Variants in CHRM3 observed in about 807,000 individuals in gnomAD.
CHRM3 encodes muscarinic acetylcholine receptor M3.
In CHRM3, 11 loss-of-function variants were observed where a neutral mutation model predicts 41.8. The observed-to-expected ratio is 0.26, with a 90% CI of 0.17 to 0.44. CHRM3 has a LOEUF of 0.44. CHRM3 is among the 20% of genes least tolerant of loss of function. The pLI, the probability that CHRM3 is intolerant of heterozygous loss-of-function variation, is 1.00. For missense variants in CHRM3, 571 were observed against 745.4 expected (o/e 0.77, Z 2.72); for synonymous variants, 297 against 301.4 (o/e 0.99, Z 0.15).
chr1:239,468,509 C>T (rs1665891590), intron 1 of CHRM3, among the ~76,000 whole-genome samples: 1 of 152,030 alleles, frequency 6.6e-6, no homozygotes, highest in African/African-American at 2.4e-5. Context: ...GGTTGCCAAT[C>T]CTATATGAAT....
At chr1:239,408,226 T>G (rs569327038) in intron 1 of CHRM3, 1 of 152,200 alleles carries the variant, frequency 6.6e-6, no homozygotes, top group Non-Finnish European at 1.5e-5. Flanking sequence ...ACAGACGTAT[T>G]TGCAATCCCC....
intron 4 of CHRM3, among the ~76,000 whole-genome samples, chr1:239,653,687 G>A (rs576616404): frequency 2.0e-5 from 3 of 152,286 alleles, no homozygotes; most frequent in Admixed American, 2.0e-4. Context: ...TCCACTTAAA[G>A]AGCAAGATAA....
In CHRM3 at chr1:239,685,999, CA is replaced by C. The variant is rs1458631082; in HGVS notation, c.-147+7718del. 3.3e-5 allele frequency among the ~76,000 whole-genome samples: 5 copies of C among 150,492 alleles called. No homozygotes were observed. The East Asian group carries it at 5.8e-4, about 18-fold the overall frequency. ...AAAGACAAAAACAAAAACAAACAAACAAAAAAACTGTGTTCTGTCGTTGACT... is the reference window on the plus strand; with the variant it reads ...AAAGACAAAAACAAAAACAAACAAACAAAAAACTGTGTTCTGTCGTTGACT... On this transcript the variant is annotated intron_variant, in intron 5 of 6. Transcript: ENST00000676153.
At chr1:239,508,876 T>C (rs1248568135) in intron 2 of CHRM3, among the ~76,000 whole-genome samples, 1 of 152,222 alleles carries the variant, frequency 6.6e-6, no homozygotes, top group Non-Finnish European at 1.5e-5. Flanking sequence ...CAGCTGTGTA[T>C]TGTGAGATGA....
chr1:239,732,951 G>C (rs973914397), intron 5 of CHRM3, among the ~76,000 whole-genome samples: 2 of 151,674 alleles, frequency 1.3e-5, no homozygotes, highest in Non-Finnish European at 2.9e-5. Flanking sequence ...ATCTCATTTA[G>C]ATAAGTATAC....
At chr1:239,639,322 G>A (rs1381554670) in intron 4 of CHRM3, among the ~76,000 whole-genome samples, 1 of 152,172 alleles carries the variant, frequency 6.6e-6, no homozygotes, top group African/African-American at 2.4e-5. Context: ...TAGCTTGATA[G>A]GGATGGCATT....
At chr1:239,882,986 C>T (rs983510559) in intron 6 of CHRM3, among the ~76,000 whole-genome samples, 1 of 152,202 alleles carries the variant, frequency 6.6e-6, no homozygotes, top group Non-Finnish European at 1.5e-5. Flanking sequence ...ATTTGAGGAT[C>T]CTCTTGCTCC....
intron 6 of CHRM3, among the ~76,000 whole-genome samples, chr1:239,890,839 T>C (rs1184541652): frequency 6.6e-6 from 1 of 152,202 alleles, no homozygotes; most frequent in Non-Finnish European, 1.5e-5. Flanking sequence ...TGGAGAAGCT[T>C]GGCCATTCCT....
intron 4 of CHRM3, among the ~76,000 whole-genome samples, chr1:239,661,108 T>C (rs2149010324): frequency 6.6e-6 from 1 of 152,336 alleles, no homozygotes; most frequent in South Asian, 2.1e-4. Context: ...TACACAGTTA[T>C]ATCCCAGCAC....
At chr1:239,618,274 TTTC>T (rs1196680589) in intron 3 of CHRM3, among the ~76,000 whole-genome samples, 10 of 73,882 alleles carry the variant, frequency 1.4e-4, no homozygotes, top group African/African-American at 4.4e-4. Context: ...TTTTTTTTTC[TTTC>T]TTTTTTTTTT....
At chr1:239,521,986 A>G (rs953325914) in intron 2 of CHRM3, among the ~76,000 whole-genome samples, 25 of 152,316 alleles carry the variant, frequency 1.6e-4, no homozygotes, top group African/African-American at 5.8e-4. Context: ...CCTGGAACCA[A>G]TGCCCCAAGG....
chr1:239,757,282 C>T (rs1283106568), intron 5 of CHRM3, among the ~76,000 whole-genome samples: 1 of 152,096 alleles, frequency 6.6e-6, no homozygotes, highest in Non-Finnish European at 1.5e-5. Flanking sequence ...ATTTCTTATC[C>T]TGTTTTATTA....
At chr1:239,745,810 T>G (rs555383665) in intron 5 of CHRM3, among the ~76,000 whole-genome samples, 2 of 152,248 alleles carry the variant, frequency 1.3e-5, no homozygotes, top group East Asian at 3.9e-4. Context: ...TTTATGCAGC[T>G]GTTACTTTTT....
intron 3 of CHRM3, among the ~76,000 whole-genome samples, chr1:239,591,955 T>G (rs1201758061): frequency 1.3e-5 from 2 of 152,190 alleles, no homozygotes; most frequent in Admixed American, 6.5e-5. Context: ...TTCAGAGGCC[T>G]TGATTGGCAG....
chr1:239,787,749 A>G (rs1669024147), intron 5 of CHRM3, among the ~76,000 whole-genome samples: 1 of 152,326 alleles, frequency 6.6e-6, no homozygotes, highest in East Asian at 1.9e-4. Context: ...CCTGTCATTT[A>G]CAAGTTGTCC....
chr1:239,734,663 A>G (rs990033094), intron 5 of CHRM3, among the ~76,000 whole-genome samples: 1 of 152,122 alleles, frequency 6.6e-6, no homozygotes, highest in Non-Finnish European at 1.5e-5. Flanking sequence ...GATACATGTT[A>G]TAAGTGCGCA....
At chr1:239,509,508 T>C (rs904213143) in intron 2 of CHRM3, among the ~76,000 whole-genome samples, 3 of 152,190 alleles carry the variant, frequency 2.0e-5, no homozygotes, top group African/African-American at 7.2e-5. Context: ...AGTTGATTTC[T>C]GTGTGATAAC....
chr1:239,517,654 C>T lies in CHRM3; in HGVS notation c.-422+24847C>T, dbSNP rs550229262. ...ACATTCTAGAAGAGTCATGGAGTTA[C>T]AAATTTTTAACATCTGAAATCTGAA... On this transcript the variant is annotated intron_variant, in intron 2 of 6. Transcript: ENST00000676153. Among the ~76,000 whole-genome samples the T allele has an allele frequency of 2.6e-5, 4 of 152,270 alleles. No homozygotes were observed. The East Asian group carries it at 7.7e-4, about 29-fold the overall frequency.
At chr1:239,784,500 G>A (rs1668744102) in intron 5 of CHRM3, among the ~76,000 whole-genome samples, 1 of 152,006 alleles carries the variant, frequency 6.6e-6, no homozygotes, top group South Asian at 2.1e-4. Context: ...CCACTTTGTG[G>A]TGATATAAGT....
Sources: gnomAD v4.1 joint callset for allele counts (sites outside exome capture counted in the v4.1 genomes callset) on GRCh38, gnomAD v4.1.1 for gene constraint, MANE v1.5 for transcripts, NCBI Gene and HGNC (gene_info 2026-07-23, HGNC 2026-07-21) for gene names.